The following SORCS1 variants were observed in gnomAD, a reference collection of about 807,000 sequenced individuals.
The protein encoded by SORCS1 is VPS10 domain-containing receptor SorCS1.
In SORCS1, 60 loss-of-function variants were observed where a neutral mutation model predicts 146.1. The ratio of observed to expected loss-of-function variants is 0.41; its 90% CI spans 0.33 to 0.51. The LOEUF is 0.51. SORCS1 is among the 20% of genes least tolerant of loss of function. SORCS1 has a pLI of 0.21. For missense variants in SORCS1, 1,352 were observed against 1,487.6 expected, an observed-to-expected ratio of 0.91 and a Z score of 1.50; for synonymous variants, 637 against 584.0, an observed-to-expected ratio of 1.09 and a Z score of -1.31.
intron 2 of SORCS1, among the ~76,000 whole-genome samples, chr10:106,842,446 C>T (rs1949092098): frequency 1.3e-5 from 2 of 152,078 alleles, no homozygotes; most frequent in Admixed American, 1.3e-4. Context: ...GTTGGCCAGG[C>T]TGGTCTCGAA....
At chr10:106,601,911 A>C (rs1047950911) in intron 23 of SORCS1, among the ~76,000 whole-genome samples, 1 of 152,244 alleles carries the variant, frequency 6.6e-6, no homozygotes, top group African/African-American at 2.4e-5. Context: ...CTCATGGTAC[A>C]GTCCTATCAT....
chr10:107,047,929 A>G (rs1959667448), intron 1 of SORCS1, among the ~76,000 whole-genome samples: 1 of 152,112 alleles, frequency 6.6e-6, no homozygotes, highest in Admixed American at 6.5e-5. Flanking sequence ...AAAAAAATAC[A>G]AAGAGTAGCC....
chr10:106,837,486 A>T (rs1948834874), intron 2 of SORCS1, among the ~76,000 whole-genome samples: 1 of 151,720 alleles, frequency 6.6e-6, no homozygotes, highest in Non-Finnish European at 1.5e-5. Context: ...TTGAATAAAG[A>T]CAGTACTGCT....
At chr10:106,901,883 T>G (rs1422990535) in intron 2 of SORCS1, among the ~76,000 whole-genome samples, 1 of 151,854 alleles carries the variant, frequency 6.6e-6, no homozygotes, top group East Asian at 1.9e-4. Context: ...CTTTATTAAA[T>G]ATACAAAAAA....
At chr10:106,814,208 C>A (rs1274795178) in intron 3 of SORCS1, among the ~76,000 whole-genome samples, 1 of 152,190 alleles carries the variant, frequency 6.6e-6, no homozygotes, top group Non-Finnish European at 1.5e-5. Context: ...AAATGACAAG[C>A]TGAATTATTT....
intron 1 of SORCS1, among the ~76,000 whole-genome samples, chr10:107,124,171 T>C (rs1195531226): frequency 6.6e-6 from 1 of 152,166 alleles, no homozygotes; most frequent in Admixed American, 6.5e-5. Flanking sequence ...GAAAACTTTT[T>C]GTACCACGCT....
chr10:106,958,447 TAGCACAGCGTTTGATTTACTGAAGGCACA>T (rs1031878299), intron 1 of SORCS1, among the ~76,000 whole-genome samples: 6 of 152,228 alleles, frequency 3.9e-5, no homozygotes, highest in African/African-American at 1.2e-4. Context: ...TCCACTCTAC[TAGCACAGCGTTTGATTTACTGAAGGCACA>T]AGCATCAGTG....
In SORCS1 at chr10:106,759,195, C is replaced by G. The variant is rs150748300; in HGVS notation, c.959+2393G>C. Among the ~76,000 whole-genome samples, 1,282 of 152,216 alleles carry G rather than the reference C, an allele frequency of 8.4e-3. 18 individuals are homozygous for G. Among genetic ancestry groups the G allele is most frequent in the African/African-American group, 0.03 (1,238 of 41,520 alleles). On this transcript the variant is annotated intron_variant, in intron 5 of 25. Coordinates refer to ENST00000263054, the MANE Select transcript of SORCS1 (RefSeq NM_052918.5). The stretch of plus-strand genomic sequence containing the variant: ...GGAGGTGGGAAGCTATTATGTACTT[C>G]GGTGATCTATTCTGCCTGTAACTCT...
chr10:107,068,540 T>C (rs1469956317), intron 1 of SORCS1, among the ~76,000 whole-genome samples: 1 of 152,152 alleles, frequency 6.6e-6, no homozygotes, highest in Admixed American at 6.5e-5. Flanking sequence ...GGCCTGACTC[T>C]AAACTTCAAG....
intron 3 of SORCS1, among the ~76,000 whole-genome samples, chr10:106,819,417 G>A (rs1488832532): frequency 2.0e-5 from 3 of 152,176 alleles, no homozygotes; most frequent in Non-Finnish European, 4.4e-5. Context: ...ATGCCCCTGA[G>A]CAAAAATTCA....
At chr10:106,955,875 C>A (rs1954915472) in intron 2 of SORCS1, among the ~76,000 whole-genome samples, 1 of 152,094 alleles carries the variant, frequency 6.6e-6, no homozygotes, top group South Asian at 2.1e-4. Context: ...TGCCTGTAAT[C>A]CCACCGTTTT....
intron 19 of SORCS1, among the ~76,000 whole-genome samples, chr10:106,624,615 C>T (rs960153258): frequency 2.0e-5 from 3 of 152,122 alleles, no homozygotes; most frequent in African/African-American, 7.2e-5. Flanking sequence ...CCTGACTCAG[C>T]CTCCCAAAGT....
intron 19 of SORCS1, among the ~76,000 whole-genome samples, chr10:106,624,488 G>A (rs1374080065): frequency 1.3e-5 from 2 of 151,466 alleles, no homozygotes; most frequent in Non-Finnish European, 2.9e-5. Context: ...ATCCTCATGA[G>A]TAGCTGGGAT....
At chr10:106,947,835 T>A (rs1262472884) in intron 2 of SORCS1, among the ~76,000 whole-genome samples, 4 of 146,224 alleles carry the variant, frequency 2.7e-5, no homozygotes, top group South Asian at 2.2e-4. Flanking sequence ...TGAAACTCCA[T>A]CTCAAAAAAA....
At chr10:107,093,069 T>C in intron 1 of SORCS1, among the ~76,000 whole-genome samples, 1 of 152,188 alleles carries the variant, frequency 6.6e-6, no homozygotes, top group East Asian at 1.9e-4. Context: ...ATGCAGCTTA[T>C]GCTTTAGTGG....
intron 1 of SORCS1, among the ~76,000 whole-genome samples, chr10:107,107,650 C>A (rs997682228): frequency 6.6e-6 from 1 of 152,176 alleles, no homozygotes; most frequent in Non-Finnish European, 1.5e-5. Context: ...ACAAAATAGC[C>A]TTTGTGGGAA....
At chr10:106,924,764 A>ATTTG (rs1564816117) in intron 2 of SORCS1, among the ~76,000 whole-genome samples, 2 of 99,910 alleles carry the variant, frequency 2.0e-5, no homozygotes, top group African/African-American at 3.0e-5. Context: ...AACTGCATGG[A>ATTTG]TTTTTTTTTT....
At position 106,978,053 on chromosome 10, in the gene SORCS1, C is replaced by A. The variant is rs188404195; in HGVS notation, c.559-21473G>T. Among the ~76,000 whole-genome samples, 23 of 152,316 alleles carry A rather than the reference C, an allele frequency of 1.5e-4. 1 individual carries two copies. In the East Asian group the frequency reaches 4.4e-3, roughly 29 times the overall value. ...CTGCCTCCTGGGTTCAAGCGATTCT[C>A]CTGCCTCAGCCTCCTGAGTAGCTGG... On this transcript the variant is annotated intron_variant, in intron 1 of 25. Coordinates refer to ENST00000263054, the MANE Select transcript of SORCS1 (RefSeq NM_052918.5).
At chr10:106,757,355 C>T (rs1467192804) in intron 5 of SORCS1, among the ~76,000 whole-genome samples, 1 of 152,074 alleles carries the variant, frequency 6.6e-6, no homozygotes, top group Non-Finnish European at 1.5e-5. Flanking sequence ...TACACACCCC[C>T]AATAGCCAGG....
Sources: gnomAD v4.1 joint callset for allele counts (sites outside exome capture counted in the v4.1 genomes callset) on GRCh38, gnomAD v4.1.1 for gene constraint, MANE v1.5 for transcripts, NCBI Gene and HGNC (gene_info 2026-07-23, HGNC 2026-07-21) for gene names.